The following SLC38A10 variants were observed in gnomAD, a reference collection of about 807,000 sequenced individuals.
The protein encoded by SLC38A10 is solute carrier family 38 member 10.
Under a neutral mutation model 81.0 loss-of-function variants are expected in SLC38A10, and 53 were observed. The observed-to-expected ratio is 0.65, with a 90% CI of 0.53 to 0.82. The LOEUF (loss-of-function observed/expected upper bound fraction) is 0.82. Ranked by LOEUF, SLC38A10 falls within the 40% of genes least tolerant of loss-of-function variation. The pLI, the probability that SLC38A10 is intolerant of heterozygous loss-of-function variation, is 0.00. For synonymous variants in SLC38A10, 665 were observed against 655.3 expected, an observed-to-expected ratio of 1.01 and a Z score of -0.23; for missense variants, 1,471 against 1,545.0, an observed-to-expected ratio of 0.95 and a Z score of 0.80.
At chr17:81,292,631 C>G (rs988741687) in intron 1 of SLC38A10, among the ~76,000 whole-genome samples, 1 of 152,198 alleles carries the variant, frequency 6.6e-6, no homozygotes, top group Non-Finnish European at 1.5e-5. Flanking sequence ...GGGCAGCCCT[C>G]AGGACTCAGA....
At chr17:81,272,019 G>A (rs1446871197) in intron 9 of SLC38A10, among the ~76,000 whole-genome samples, 2 of 151,494 alleles carry the variant, frequency 1.3e-5, no homozygotes, top group South Asian at 2.1e-4. Flanking sequence ...GAGCCACTGC[G>A]CCCAGCAAGC....
chr17:81,284,469 G>T (rs981655497), intron 3 of SLC38A10, among the ~76,000 whole-genome samples: 4 of 152,170 alleles, frequency 2.6e-5, no homozygotes, highest in African/African-American at 9.7e-5. Context: ...AAGCCTAGAA[G>T]TGCAATCTCC....
At position 81,245,633 on chromosome 17, in the gene SLC38A10, G is replaced by A. The variant is rs1482682276; in HGVS notation, c.3283C>T (p.Gln1095Ter). Residue 1095 changes from glutamine (Q) to a stop codon, truncating the protein, a stop_gained, in exon 16 of 16, where the codon CAG becomes TAG. Transcript: ENST00000374759. LOFTEE classifies it low-confidence loss of function (END_TRUNC). ...ACCTGCAGAGCTCCCCCCGCAGCCT[G>A]GCGGAGCTGGGCATCCAGGGCGCCA... ...LRGALDAQLR[Q>*]AAGGALQVVH... 3 of 1,612,292 alleles carry A rather than the reference G, an allele frequency of 1.9e-6. No individual in the cohort carries two copies. The highest frequency in any genetic ancestry group is 3.3e-5 in the Admixed American group (2 of 59,956).
At chr17:81,272,399 T>A (rs993265345) in intron 9 of SLC38A10, 117 bp downstream of exon 9, 4 of 548,856 alleles carry the variant, frequency 7.3e-6, no homozygotes, top group Middle Eastern at 5.2e-4. Context: ...GTCTCTAGAC[T>A]TTTTTAAGAG....
At position 81,245,543 on chromosome 17, in the gene SLC38A10, T is replaced by C. The variant is rs1386692413; in HGVS notation, c.*13A>G. 6.3e-7 allele frequency: 1 copy of C among 1,579,380 alleles called. No homozygotes were observed. The highest frequency in any genetic ancestry group is 1.3e-5 in the African/African-American group (1 of 74,248). On this transcript the variant is annotated 3_prime_UTR_variant, in exon 16 of 16. Coordinates refer to ENST00000374759, the MANE Select transcript of SLC38A10 (RefSeq NM_001037984.3). ...AGGGCAGTGGCTGGCGTGGCCCTCA[T>C]GGCCAGCAGGTGCTAGGACTCCTCT...
In SLC38A10 at chr17:81,289,933, C is replaced by A. The variant is rs553535240; in HGVS notation, c.100-125G>T. On this transcript the variant is annotated intron_variant, in intron 1 of 15. Transcript: ENST00000374759. The surrounding 1 kb of genome is among the most constrained non-coding windows in gnomAD (Gnocchi z 5.9). Reference sequence around the variant, plus strand: ...GCCCCGCTCCATCCCAGTCTCCTGCCGAACGCGACACTTCCTAGCACTGAA... The same window carrying A: ...GCCCCGCTCCATCCCAGTCTCCTGCAGAACGCGACACTTCCTAGCACTGAA... 1.1e-5 allele frequency: 8 copies of A among 720,992 alleles called. No individual in the cohort carries two copies. Among genetic ancestry groups the A allele is most frequent in the South Asian group, 2.1e-5 (1 of 47,834 alleles). The allele number at this position is 720,992 out of a possible 1,614,324, so 44.7% of individuals were successfully genotyped here.
At chr17:81,282,407 G>T in intron 4 of SLC38A10, 75 bp from the exon 5 acceptor site, 1 of 1,531,444 alleles carries the variant, frequency 6.5e-7, no homozygotes, top group Admixed American at 2.0e-5. Flanking sequence ...CTGACAGGGA[G>T]TGGGAGCGCC....
chr17:81,252,136 C>A, intron 13 of SLC38A10, 59 bp downstream of exon 13: 1 of 1,486,720 alleles, frequency 6.7e-7, no homozygotes, highest in Non-Finnish European at 8.9e-7. Flanking sequence ...CTGCCCCTGC[C>A]CAGCCTCCCC....
rs1369466714 is a variant in SLC38A10, at chr17:81,252,672, G to A, written c.1468C>T (p.Pro490Ser). The change falls in exon 13 of 16, where the codon CCT becomes TCT. Residue 490 changes from proline to serine, a missense_variant. Physicochemically the swap from Pro to Ser is moderately conservative, Grantham distance 74. Coordinates refer to ENST00000374759, the MANE Select transcript of SLC38A10 (RefSeq NM_001037984.3). The stretch of plus-strand genomic sequence containing the variant: ...TCGTGGCGGTGGGCCTCGCCCACAG[G>A]CACAGCAATCCCTGCAAGGGCACGG... ...LDRPGQGIAV[P>S]VGEAHRHEPP... The A allele has an allele frequency of 6.2e-7, 1 of 1,603,058 alleles. No individual in the cohort carries two copies. Among genetic ancestry groups the A allele is most frequent in the Non-Finnish European group, 8.5e-7 (1 of 1,178,006 alleles).
chr17:81,246,162 T>C lies in SLC38A10; in HGVS notation c.2754A>G (p.Gly918=). The change falls in exon 16 of 16, where the codon GGA becomes GGG. Residue 918 remains glycine (G), a synonymous_variant. Coordinates refer to ENST00000374759, the MANE Select transcript of SLC38A10 (RefSeq NM_001037984.3). ...KEANWLVAGP[G]AETGDPRMKP... is the part of the protein sequence containing the mutation. ...TCATGCGAGGGTCCCCCGTCTCTGC[T>C]CCTGGCCCTGCCACGAGCCAGTTGG... The C allele has an allele frequency of 6.2e-7, 1 of 1,611,920 alleles. No individual in the cohort carries two copies. Among genetic ancestry groups the C allele is most frequent in the Non-Finnish European group, 8.5e-7 (1 of 1,179,922 alleles).
chr17:81,265,742 C>G lies in SLC38A10; in HGVS notation c.1131+5176G>C, dbSNP rs1204388910. 3.3e-5 allele frequency among the ~76,000 whole-genome samples: 5 copies of G among 152,226 alleles called. No individual in the cohort carries two copies. Among genetic ancestry groups the G allele is most frequent in the African/African-American group, 1.2e-4 (5 of 41,458 alleles). Reference sequence around the variant, plus strand: ...ACGCCGAGATGTGGCGCCACAGGCCCAGGGTACGGCCTTGCGGTGCTGACA... The same window carrying G: ...ACGCCGAGATGTGGCGCCACAGGCCGAGGGTACGGCCTTGCGGTGCTGACA... On this transcript the variant is annotated intron_variant, in intron 10 of 15. Transcript: ENST00000374759. This position sits in a 1 kb window ranked among gnomAD's most constrained non-coding sequence, Gnocchi z 4.2.
Position 81,270,738 on chromosome 17 carries a change from C to A in SLC38A10, c.1131+180G>T, listed in dbSNP as rs1254860671. Among the ~76,000 whole-genome samples the A allele has an allele frequency of 6.6e-6, 1 of 152,164 alleles. No homozygotes were observed. Among genetic ancestry groups the A allele is most frequent in the East Asian group, 1.9e-4 (1 of 5,194 alleles). ...TAGTGTGGCCCTGCTGGGCAAAGACCGTGCGTCCTGGTGAACCCAGGGTTC... is the reference window on the plus strand; with the variant it reads ...TAGTGTGGCCCTGCTGGGCAAAGACAGTGCGTCCTGGTGAACCCAGGGTTC... On this transcript the variant is annotated intron_variant, in intron 10 of 15. Coordinates refer to ENST00000374759, the MANE Select transcript of SLC38A10 (RefSeq NM_001037984.3). The surrounding 1 kb of genome is among the most constrained non-coding windows in gnomAD (Gnocchi z 4.0).
chr17:81,270,873 A>G lies in SLC38A10; in HGVS notation c.1131+45T>C. The G allele has an allele frequency of 6.4e-7, 1 of 1,556,560 alleles. No homozygotes were observed. The highest frequency in any genetic ancestry group is 8.9e-7 in the Non-Finnish European group (1 of 1,128,316). ...TCCCGCCTCCACCTCTCCCCAGCCC[A>G]GACCCATCAGCCCTCGTCCAGGCCA... On this transcript the variant is annotated intron_variant, in intron 10 of 15. Coordinates refer to ENST00000374759, the MANE Select transcript of SLC38A10 (RefSeq NM_001037984.3). This position sits in a 1 kb window ranked among gnomAD's most constrained non-coding sequence, Gnocchi z 4.0.
At chr17:81,260,903 G>A (rs945750257) in intron 10 of SLC38A10, among the ~76,000 whole-genome samples, 3 of 152,378 alleles carry the variant, frequency 2.0e-5, no homozygotes, top group Non-Finnish European at 2.9e-5. Context: ...TCCGCAAAGC[G>A]AGTGCTCCTG....
At chr17:81,290,628 G>A (rs1420416127) in intron 1 of SLC38A10, among the ~76,000 whole-genome samples, 1 of 152,188 alleles carries the variant, frequency 6.6e-6, no homozygotes, top group Admixed American at 6.5e-5. Context: ...ATGACAAAGG[G>A]GCACATGGGG....
In SLC38A10 at chr17:81,272,321, C is replaced by T. The variant is rs151072452; in HGVS notation, c.1024+195G>A. On this transcript the variant is annotated intron_variant, in intron 9 of 15. Coordinates refer to ENST00000374759, the MANE Select transcript of SLC38A10 (RefSeq NM_001037984.3). ...TGCTGGGATTACAGGTGTGAGCCACCGCACCTGGCTCAAGTTGCCAGATTT... is the reference window on the plus strand; with the variant it reads ...TGCTGGGATTACAGGTGTGAGCCACTGCACCTGGCTCAAGTTGCCAGATTT... Among the ~76,000 whole-genome samples, 628 of 152,172 alleles carry T rather than the reference C, an allele frequency of 4.1e-3. 3 individuals are homozygous for T. Among genetic ancestry groups the T allele is most frequent in the African/African-American group, 0.014 (590 of 41,528 alleles).
At chr17:81,285,208 G>T (rs2063253316) in intron 2 of SLC38A10, 1 of 265,966 alleles carries the variant, frequency 3.8e-6, no homozygotes, top group Non-Finnish European at 7.1e-6. Flanking sequence ...ACCACTGGGG[G>T]CCGGCTGGAA....
Position 81,284,846 on chromosome 17 carries a change from T to C in SLC38A10, c.263+4A>G, listed in dbSNP as rs1322390619. On this transcript the variant is annotated splice_donor_region_variant and intron_variant, in intron 3 of 15. Coordinates refer to ENST00000374759, the MANE Select transcript of SLC38A10 (RefSeq NM_001037984.3). The stretch of plus-strand genomic sequence containing the variant: ...GGCAAGCGCAGCGGCAGGGCGGGGC[T>C]TACCTGGTCTCCACCAGCATCTTGC... The C allele has an allele frequency of 6.5e-7, 1 of 1,541,374 alleles. No homozygotes were observed. Among genetic ancestry groups the C allele is most frequent in the East Asian group, 2.5e-5 (1 of 40,002 alleles).
chr17:81,274,353 C>T (rs1363197925), intron 8 of SLC38A10, among the ~76,000 whole-genome samples: 4 of 152,242 alleles, frequency 2.6e-5, no homozygotes, highest in Non-Finnish European at 5.9e-5. Context: ...GCACACCTGG[C>T]CACATGGACA....
Sources: allele counts gnomAD v4.1 joint callset (sites outside exome capture counted in the v4.1 genomes callset), GRCh38; gene constraint gnomAD v4.1.1; non-coding constraint Gnocchi (gnomAD v3.1); transcripts MANE v1.5; gene names NCBI Gene and HGNC (gene_info 2026-07-23, HGNC 2026-07-21).